Variants in CACNA1B observed in about 807,000 individuals in gnomAD.
CACNA1B encodes the protein calcium voltage-gated channel subunit alpha1 B.
A neutral mutation model predicts 247.2 loss-of-function variants in CACNA1B; 70 were observed. That is an observed-to-expected ratio of 0.28 (90% confidence interval 0.23 to 0.35). The LOEUF (loss-of-function observed/expected upper bound fraction) is 0.35. Among genes scored for constraint, CACNA1B ranks in the 10% least tolerant of loss-of-function variants. The pLI is 1.00. For synonymous variants in CACNA1B, 1,231 were observed against 1,294.4 expected (o/e 0.95, Z 1.05); for missense variants, 2,367 against 3,197.4 (o/e 0.74, Z 6.26).
chr9:137,885,010 GCT>G (rs1385012749), intron 3 of CACNA1B, among the ~76,000 whole-genome samples: 1 of 102,914 alleles, frequency 9.7e-6, no homozygotes, highest in Non-Finnish European at 1.8e-5. Flanking sequence ...TCCTCTCCAC[GCT>G]CTCTGTCTCT....
In CACNA1B at chr9:137,914,647, G is replaced by A. The variant is rs1448966877; in HGVS notation, c.623-7G>A. On this transcript the variant is annotated splice_region_variant and splice_polypyrimidine_tract_variant and intron_variant, in intron 4 of 46. Transcript: ENST00000371372. The surrounding 1 kb of genome is among the most constrained non-coding windows in gnomAD (Gnocchi z 4.3). ...TTGCTTCCTGACCTGCCCTGTTCTG[G>A]CCCCAGGTTTGCAGGTGGTGCTCAA... 1.9e-6 allele frequency: 3 copies of A among 1,613,168 alleles called. No homozygotes were observed. The highest frequency in any genetic ancestry group is 2.5e-6 in the Non-Finnish European group (3 of 1,179,568).
rs903595846 is a variant in CACNA1B, at chr9:137,881,705, C to T, written c.391-1039C>T. On this transcript the variant is annotated intron_variant, in intron 2 of 46. Transcript: ENST00000371372. The surrounding 1 kb of genome is among the most constrained non-coding windows in gnomAD (Gnocchi z 4.3). ...CCTGCCAGCCCCACGCGTGTGCTCA[C>T]GAGGAGTCTTTGGGGTCTCCCTAAG... 3.3e-5 allele frequency among the ~76,000 whole-genome samples: 5 copies of T among 152,200 alleles called. No individual in the cohort carries two copies. The highest frequency in any genetic ancestry group is 2.1e-4 in the South Asian group (1 of 4,834).
intron 42 of CACNA1B, among the ~76,000 whole-genome samples, chr9:138,117,615 G>A (rs117550773): frequency 2.6e-5 from 4 of 152,320 alleles, no homozygotes; most frequent in South Asian, 2.1e-4. Flanking sequence ...CCAGAGGAGC[G>A]GGTGACGGAC....
chr9:138,117,928 T>C lies in CACNA1B; in HGVS notation c.5778-18T>C. ...AGTCTCTGACCCTACAGGAATCTGT[T>C]TGTCTTCTCTGCCACAGACAAAACC... On this transcript the variant is annotated intron_variant, in intron 42 of 46. Transcript: ENST00000371372. The C allele has an allele frequency of 6.5e-7, 1 of 1,550,320 alleles. No individual in the cohort carries two copies. The highest frequency in any genetic ancestry group is 8.8e-7 in the Non-Finnish European group (1 of 1,142,104).
At chr9:138,000,291 G>A (rs939080227) in intron 15 of CACNA1B, among the ~76,000 whole-genome samples, 1 of 151,978 alleles carries the variant, frequency 6.6e-6, no homozygotes, top group Non-Finnish European at 1.5e-5. Context: ...GTAGAGACAG[G>A]GTTTCACCGT....
Position 138,123,801 on chromosome 9 carries a change from G to A in CACNA1B, c.*1802G>A, listed in dbSNP as rs1037891680. On this transcript the variant is annotated 3_prime_UTR_variant, in exon 47 of 47. Transcript: ENST00000371372. ...ACTCTGAAACTTTAAAGATAACAGAGTATTTTATTCCAATAGAATAAACCA... is the reference window on the plus strand; with the variant it reads ...ACTCTGAAACTTTAAAGATAACAGAATATTTTATTCCAATAGAATAAACCA... The A allele has an allele frequency of 1.6e-4, 25 of 152,316 alleles. No individual in the cohort carries two copies. Among genetic ancestry groups the A allele is most frequent in the African/African-American group, 6.0e-4 (25 of 41,564 alleles). 9.4% of individuals were successfully genotyped at this position (152,316 alleles called of 1,614,324 possible). A position where few individuals can be genotyped will look rare whatever the true frequency, so the allele number is the denominator to read the frequency against.
Position 137,986,467 on chromosome 9 carries a change from C to T in CACNA1B, c.1824C>T (p.Ser608=). The T allele has an allele frequency of 6.2e-7, 1 of 1,613,880 alleles. No homozygotes were observed. Among genetic ancestry groups the T allele is most frequent in the Non-Finnish European group, 8.5e-7 (1 of 1,179,788 alleles). The change falls in exon 14 of 47, where the codon TCC becomes TCT. Residue 608 remains serine, a synonymous_variant. Transcript: ENST00000371372. The surrounding 1 kb of genome is among the most constrained non-coding windows in gnomAD (Gnocchi z 6.0). The stretch of plus-strand genomic sequence containing the variant: ...TGTCCCTGCTGAACTCCATGAAGTC[C>T]ATCATCAGCCTGCTCTTCTTGCTCT... ...LVVSLLNSMK[S]IISLLFLLFL... is the part of the protein sequence containing the mutation.
chr9:138,028,711 G>A (rs1431937563), intron 20 of CACNA1B, among the ~76,000 whole-genome samples: 1 of 152,174 alleles, frequency 6.6e-6, no homozygotes, highest in African/African-American at 2.4e-5. Flanking sequence ...GACATTTCCT[G>A]CCCAGGTGCT....
intron 20 of CACNA1B, among the ~76,000 whole-genome samples, chr9:138,026,805 G>C (rs751005134): frequency 1.3e-5 from 2 of 152,144 alleles, no homozygotes; most frequent in Admixed American, 6.5e-5. Context: ...ATGCTTATTG[G>C]ATTATATGGT....
At chr9:137,937,977 A>T (rs2133314129) in intron 6 of CACNA1B, among the ~76,000 whole-genome samples, 1 of 140,562 alleles carries the variant, frequency 7.1e-6, no homozygotes, top group East Asian at 2.2e-4. Flanking sequence ...AAAAAAAAAA[A>T]AGACAAAGGA....
intron 18 of CACNA1B, chr9:138,017,087 ACT>A: frequency 3.9e-6 from 2 of 511,426 alleles, no homozygotes; most frequent in Admixed American, 2.0e-5. Flanking sequence ...TTCTCTCAGA[ACT>A]CTGTCTCTGG....
intron 19 of CACNA1B, 124 bp from the exon 20 acceptor site, chr9:138,024,831 G>C (rs1033708162): frequency 7.5e-6 from 5 of 670,670 alleles, no homozygotes; most frequent in Non-Finnish European, 7.9e-6. Flanking sequence ...ATGGGGTTTC[G>C]CCATATTCCC....
chr9:138,118,814 G>A lies in CACNA1B; in HGVS notation c.6030+46G>A, dbSNP rs1961970893. ...CAGGCCCTGGGCTGGGCAAGTGGGGGGTGGGGAAGTGGGGCTGTGGCTCTG... is the reference window on the plus strand; with the variant it reads ...CAGGCCCTGGGCTGGGCAAGTGGGGAGTGGGGAAGTGGGGCTGTGGCTCTG... On this transcript the variant is annotated intron_variant, in intron 44 of 46. Coordinates refer to ENST00000371372, the MANE Select transcript of CACNA1B (RefSeq NM_000718.4). The A allele has an allele frequency of 3.5e-6, 3 of 862,390 alleles. No individual in the cohort carries two copies. In the East Asian group the frequency reaches 8.3e-5, roughly 24 times the overall value. The allele number at this position is 862,390 out of a possible 1,614,324, so 53.4% of individuals were successfully genotyped here. A position where few individuals can be genotyped will look rare whatever the true frequency, so the allele number is the denominator to read the frequency against.
intron 10 of CACNA1B, among the ~76,000 whole-genome samples, chr9:137,964,325 C>T (rs2133355681): frequency 6.6e-6 from 1 of 152,300 alleles, no homozygotes; most frequent in African/African-American, 2.4e-5. Flanking sequence ...TTAAGTTATC[C>T]TAATCAGTCA....
At chr9:137,968,634 T>A (rs1958109809) in intron 10 of CACNA1B, among the ~76,000 whole-genome samples, 1 of 152,210 alleles carries the variant, frequency 6.6e-6, no homozygotes, top group Non-Finnish European at 1.5e-5. Flanking sequence ...TCTAGAAGGG[T>A]TATTGAGAAC....
intron 12 of CACNA1B, among the ~76,000 whole-genome samples, chr9:137,982,043 T>C (rs547930280): frequency 6.6e-6 from 1 of 152,366 alleles, no homozygotes; most frequent in Admixed American, 6.5e-5. Context: ...ACCCCACTTC[T>C]GATTCCAAAA....
At chr9:138,120,096 A>G (rs1440697848) in intron 44 of CACNA1B, 69 bp from the exon 45 acceptor site, 39 of 1,339,910 alleles carry the variant, frequency 2.9e-5, no homozygotes, top group Non-Finnish European at 3.9e-5. Context: ...TCCACCACCC[A>G]CTTCCATGCC....
At chr9:138,000,341 G>A (rs529751022) in intron 15 of CACNA1B, among the ~76,000 whole-genome samples, 51 of 152,064 alleles carry the variant, frequency 3.4e-4, no homozygotes, top group Admixed American at 1.1e-3. Context: ...CTCGTGATCA[G>A]CCCGCCTTGG....
At chr9:137,912,588 T>C (rs545526017) in intron 3 of CACNA1B, among the ~76,000 whole-genome samples, 6 of 152,332 alleles carry the variant, frequency 3.9e-5, no homozygotes, top group Non-Finnish European at 8.8e-5. Context: ...TCTTTAGTTT[T>C]GTTCTTAAGA....
Sources: gnomAD v4.1 joint callset for allele counts (sites outside exome capture counted in the v4.1 genomes callset) on GRCh38, gnomAD v4.1.1 for gene constraint, Gnocchi (gnomAD v3.1) non-coding constraint, MANE v1.5 for transcripts, NCBI Gene and HGNC (gene_info 2026-07-23, HGNC 2026-07-21) for gene names.